Variants in TEAD1 observed in about 807,000 individuals in gnomAD.
TEAD1 encodes the protein TEA domain transcription factor 1.
A neutral mutation model predicts 54.9 loss-of-function variants in TEAD1; 9 were observed. The observed-to-expected ratio is 0.16, with a 90% CI of 0.10 to 0.29. The LOEUF is 0.29. TEAD1 is among the 10% of genes least tolerant of loss of function. TEAD1 has a pLI of 1.00. For missense variants in TEAD1, 387 were observed against 535.9 expected (o/e 0.72, Z 2.74); for synonymous variants, 200 against 187.8 (o/e 1.07, Z -0.53).
At chr11:12,736,348 T>G (rs1180028530) in intron 2 of TEAD1, among the ~76,000 whole-genome samples, 1 of 152,242 alleles carries the variant, frequency 6.6e-6, no homozygotes, top group Non-Finnish European at 1.5e-5. Context: ...TCAGGAAAGA[T>G]AGGTTTGTAC....
At chr11:12,749,396 T>TC (rs936082937) in intron 2 of TEAD1, among the ~76,000 whole-genome samples, 2 of 152,078 alleles carry the variant, frequency 1.3e-5, no homozygotes, top group Admixed American at 1.3e-4. Flanking sequence ...GGAAATATAT[T>TC]CCCCCTGCCT....
chr11:12,824,798 C>T (rs1414488704), intron 3 of TEAD1, among the ~76,000 whole-genome samples: 1 of 152,162 alleles, frequency 6.6e-6, no homozygotes, highest in Non-Finnish European at 1.5e-5. Context: ...CCTGGCCTGG[C>T]AGAACCGTGC....
rs76471243 is a variant in TEAD1, at chr11:12,944,700, G to A, written c.*7478G>A. ...TTTCTAGAAACTTTGTATTCATACG[G>A]TATCAATGAAAAATAAAGAAAATGA... is the stretch of plus-strand genomic sequence containing the variant. On this transcript the variant is annotated 3_prime_UTR_variant, in exon 13 of 13. Transcript: ENST00000527636. 6.3e-3 allele frequency among the ~76,000 whole-genome samples: 956 copies of A among 152,268 alleles called. 5 individuals carry two copies. Among genetic ancestry groups the A allele is most frequent in the Non-Finnish European group, 9.2e-3 (626 of 68,022 alleles).
At chr11:12,694,631 T>C (rs1237242863) in intron 2 of TEAD1, among the ~76,000 whole-genome samples, 2 of 152,186 alleles carry the variant, frequency 1.3e-5, no homozygotes, top group African/African-American at 4.8e-5. Flanking sequence ...CTGTGTGAAG[T>C]TGGGACTCAC....
chr11:12,882,366 C>A (rs886501426), intron 8 of TEAD1, among the ~76,000 whole-genome samples: 2 of 152,094 alleles, frequency 1.3e-5, no homozygotes, highest in Non-Finnish European at 2.9e-5. Context: ...GGAGAGAGTA[C>A]ATGGAAGCTC....
chr11:12,757,612 T>C (rs968274541), intron 2 of TEAD1, among the ~76,000 whole-genome samples: 1 of 152,178 alleles, frequency 6.6e-6, no homozygotes, highest in African/African-American at 2.4e-5. Context: ...AATTTGGCGA[T>C]TTTCTCTGGG....
At chr11:12,796,539 A>G (rs1301471654) in intron 3 of TEAD1, among the ~76,000 whole-genome samples, 1 of 150,916 alleles carries the variant, frequency 6.6e-6, no homozygotes, top group Non-Finnish European at 1.5e-5. Flanking sequence ...CAGCCTGGGC[A>G]ATGTGGTGAA....
At chr11:12,891,344 G>A (rs12574971) in intron 9 of TEAD1, among the ~76,000 whole-genome samples, 1 of 152,274 alleles carries the variant, frequency 6.6e-6, no homozygotes. Context: ...GGCTGCATCA[G>A]GTGAGAGCAG....
intron 5 of TEAD1, among the ~76,000 whole-genome samples, chr11:12,872,773 G>A (rs901435756): frequency 6.6e-6 from 1 of 152,146 alleles, no homozygotes; most frequent in African/African-American, 2.4e-5. Flanking sequence ...TATCCAAAAG[G>A]TTATCTAGTG....
intron 2 of TEAD1, among the ~76,000 whole-genome samples, chr11:12,763,417 A>T (rs948674616): frequency 1.3e-5 from 2 of 152,248 alleles, no homozygotes; most frequent in African/African-American, 4.8e-5. Flanking sequence ...GACTGGGGAC[A>T]GCTTGGTCCC....
chr11:12,847,273 G>A (rs1031401100), intron 3 of TEAD1, among the ~76,000 whole-genome samples: 3 of 152,200 alleles, frequency 2.0e-5, no homozygotes, highest in African/African-American at 4.8e-5. Context: ...GGAGTAGTTG[G>A]GAGTAGGATG....
intron 2 of TEAD1, among the ~76,000 whole-genome samples, chr11:12,754,587 G>A (rs1165246741): frequency 2.0e-5 from 3 of 152,132 alleles, no homozygotes; most frequent in Admixed American, 2.0e-4. Context: ...GGTTCCTTAG[G>A]TTGACAGGAA....
chr11:12,900,259 C>G (rs1948402986), intron 9 of TEAD1, among the ~76,000 whole-genome samples: 1 of 151,070 alleles, frequency 6.6e-6, no homozygotes, highest in Admixed American at 6.6e-5. Context: ...AGATGTCTCA[C>G]TGTGTTGTCC....
At chr11:12,890,845 A>G (rs1948184187) in intron 9 of TEAD1, among the ~76,000 whole-genome samples, 1 of 152,014 alleles carries the variant, frequency 6.6e-6, no homozygotes, top group Admixed American at 6.6e-5. Context: ...GCTCACTGCA[A>G]CCTCCACCTC....
intron 3 of TEAD1, among the ~76,000 whole-genome samples, chr11:12,787,729 A>G (rs1375177645): frequency 6.6e-6 from 1 of 152,240 alleles, no homozygotes; most frequent in Non-Finnish European, 1.5e-5. Flanking sequence ...GTTTAAGATT[A>G]TAAAAACTAA....
At chr11:12,716,989 G>A (rs987129875) in intron 2 of TEAD1, among the ~76,000 whole-genome samples, 5 of 152,228 alleles carry the variant, frequency 3.3e-5, no homozygotes, top group Non-Finnish European at 5.9e-5. Flanking sequence ...CGAAGTAGTG[G>A]GCTTGGCCTC....
intron 2 of TEAD1, among the ~76,000 whole-genome samples, chr11:12,753,069 C>G (rs1199842961): frequency 1.3e-5 from 2 of 150,258 alleles, no homozygotes; most frequent in Non-Finnish European, 3.0e-5. Flanking sequence ...GCTCTCAACT[C>G]CTGCGCTGAA....
chr11:12,901,983 C>A lies in TEAD1; in HGVS notation c.743C>A (p.Ser248Tyr). Residue 248 changes from serine (S) to tyrosine (Y), a missense_variant, in exon 10 of 13, where the codon TCT (serine) becomes TAT (tyrosine). Physicochemically the swap from Ser to Tyr is moderately radical, Grantham distance 144. This residue lies in a region of TEAD1 where 180 missense variants were observed against 180.6 expected (regional missense o/e 1.00). Transcript: ENST00000527636. ...GTGCACATTGGGCATGCCAACCATTCTTACAGTGACCCATTGCTTGAATCA... is the reference window on the plus strand; with the variant it reads ...GTGCACATTGGGCATGCCAACCATTATTACAGTGACCCATTGCTTGAATCA... The A allele has an allele frequency of 6.2e-7, 1 of 1,614,236 alleles. No individual in the cohort carries two copies. The highest frequency in any genetic ancestry group is 8.5e-7 in the Non-Finnish European group (1 of 1,180,040).
chr11:12,870,872 C>T lies in TEAD1; in HGVS notation c.330+5972C>T, dbSNP rs148172662. On this transcript the variant is annotated intron_variant, in intron 5 of 12. Transcript: ENST00000527636. ...CTGTACCCCAGCCTGGGCAACAGAG[C>T]GAGACTCTGTCTCCAAAAAAAAGAA... is the stretch of plus-strand genomic sequence containing the variant. 7.6e-4 allele frequency among the ~76,000 whole-genome samples: 115 copies of T among 152,034 alleles called. 1 individual carries two copies. Among genetic ancestry groups the T allele is most frequent in the African/African-American group, 2.5e-3 (105 of 41,464 alleles).
Sources: allele counts gnomAD v4.1 joint callset (sites outside exome capture counted in the v4.1 genomes callset), GRCh38; gene constraint gnomAD v4.1.1; regional missense constraint gnomAD v4.1.1; transcripts MANE v1.5; gene names NCBI Gene and HGNC (gene_info 2026-07-23, HGNC 2026-07-21).